The following SEC63 variants were observed in gnomAD, a reference collection of about 807,000 sequenced individuals.
The protein encoded by SEC63 is translocation protein SEC63 homolog.
Under a neutral mutation model 116.2 loss-of-function variants are expected in SEC63, and 56 were observed. The observed-to-expected ratio is 0.48, with a 90% CI of 0.39 to 0.60. The LOEUF (loss-of-function observed/expected upper bound fraction) is 0.60, where lower values mean the gene tolerates loss of function less well. Among genes scored for constraint, SEC63 ranks in the 20% least tolerant of loss-of-function variants. SEC63 has a pLI of 0.00. For missense variants in SEC63, 668 were observed against 900.0 expected, an observed-to-expected ratio of 0.74 and a Z score of 3.30; for synonymous variants, 273 against 294.6, an observed-to-expected ratio of 0.93 and a Z score of 0.75.
chr6:107,872,794 G>A lies in SEC63; in HGVS notation c.2139+14C>T, dbSNP rs1378367106. 4 of 1,371,660 alleles carry A rather than the reference G, an allele frequency of 2.9e-6. No homozygotes were observed. Among genetic ancestry groups the A allele is most frequent in the Admixed American group, 1.8e-5 (1 of 56,090 alleles). 85.0% of individuals were successfully genotyped at this position (1,371,660 alleles called of 1,614,324 possible). ...ACAGAAAACTCTTATTTATTGAAGAGTCACTATTCTTACCTTCAATGGTTT... is the reference window on the plus strand; with the variant it reads ...ACAGAAAACTCTTATTTATTGAAGAATCACTATTCTTACCTTCAATGGTTT... On this transcript the variant is annotated intron_variant, in intron 20 of 20. Transcript: ENST00000369002.
chr6:107,910,574 GTGTCATACACATGTA>G (rs1368150735), intron 7 of SEC63, among the ~76,000 whole-genome samples: 1 of 151,428 alleles, frequency 6.6e-6, no homozygotes, highest in African/African-American at 2.4e-5. Flanking sequence ...ACATATACAC[GTGTCATACACATGTA>G]TGTCATACAC....
rs752212979 is a variant in SEC63 at position 107,909,018 on chromosome 6, G to A, written c.642C>T (p.Arg214=). 1.2e-6 allele frequency: 2 copies of A among 1,611,526 alleles called. No homozygotes were observed. Among genetic ancestry groups the A allele is most frequent in the South Asian group, 2.2e-5 (2 of 90,978 alleles). The change falls in exon 8 of 21, where the codon CGC becomes CGT. Residue 214 remains arginine, a synonymous_variant. Coordinates refer to ENST00000369002, the MANE Select transcript of SEC63 (RefSeq NM_007214.5). ...LPVVVGSWWY[R]SIRYSGDQIL... ...TCTGGTCTCCACTATAGCGTATTGA[G>A]CGATACCACCAAGAGCCCTAAAACA...
At chr6:107,921,276 T>C (rs777547836) in intron 4 of SEC63, among the ~76,000 whole-genome samples, 2 of 152,090 alleles carry the variant, frequency 1.3e-5, no homozygotes, top group African/African-American at 2.4e-5. Context: ...CTCAATTAAC[T>C]TATCATTCAC....
At chr6:107,916,380 A>G (rs1583753393) in intron 4 of SEC63, among the ~76,000 whole-genome samples, 1 of 152,260 alleles carries the variant, frequency 6.6e-6, no homozygotes, top group East Asian at 1.9e-4. Flanking sequence ...TCATATAGTA[A>G]TTCACATAGA....
At chr6:107,896,611 AAGAC>A (rs199632474) in intron 14 of SEC63, among the ~76,000 whole-genome samples, 475 of 152,360 alleles carry the variant, frequency 3.1e-3, no homozygotes, top group African/African-American at 0.011. Flanking sequence ...AGCATGGAGA[AAGAC>A]AGAAGACGAC....
intron 18 of SEC63, among the ~76,000 whole-genome samples, chr6:107,880,430 T>C (rs1032056867): frequency 2.0e-5 from 3 of 152,170 alleles, no homozygotes; most frequent in Non-Finnish European, 4.4e-5. Flanking sequence ...GACAGAATCA[T>C]ACTCTAATGC....
chr6:107,912,199 T>C (rs1273352150), intron 6 of SEC63, among the ~76,000 whole-genome samples: 1 of 152,226 alleles, frequency 6.6e-6, no homozygotes, highest in African/African-American at 2.4e-5. Flanking sequence ...AAGATAATTC[T>C]TGACATTTTA....
intron 16 of SEC63, chr6:107,883,356 T>C (rs1786456564): frequency 5.5e-6 from 3 of 546,162 alleles, no homozygotes; most frequent in Admixed American, 3.4e-5. Flanking sequence ...AGTCTGTCTA[T>C]TGTTAGTTAT....
At chr6:107,925,130 T>G (rs1787646517) in intron 2 of SEC63, among the ~76,000 whole-genome samples, 198 bp from the exon 3 acceptor site, 1 of 152,234 alleles carries the variant, frequency 6.6e-6, no homozygotes, top group African/African-American at 2.4e-5. Flanking sequence ...CTTTATAATC[T>G]AGTACAGTGT....
chr6:107,903,762 C>A (rs1240022025), intron 11 of SEC63, among the ~76,000 whole-genome samples: 1 of 152,142 alleles, frequency 6.6e-6, no homozygotes, highest in African/African-American at 2.4e-5. Context: ...TTCAAATTCA[C>A]TGTTAGAAAA....
At chr6:107,936,039 G>A (rs1770238232) in intron 1 of SEC63, among the ~76,000 whole-genome samples, 1 of 152,184 alleles carries the variant, frequency 6.6e-6, no homozygotes, top group South Asian at 2.1e-4. Flanking sequence ...CCACTTTCAA[G>A]TATAAAATCA....
At chr6:107,879,569 C>T (rs1302022883) in intron 18 of SEC63, among the ~76,000 whole-genome samples, 2 of 152,170 alleles carry the variant, frequency 1.3e-5, no homozygotes, top group Non-Finnish European at 2.9e-5. Context: ...AGGTGATCCA[C>T]CCACCTCGTC....
At position 107,901,449 on chromosome 6, in the gene SEC63, G is replaced by A. The variant is rs146559698; in HGVS notation, c.1278C>T (p.Phe426=). The change falls in exon 13 of 21, where the codon TTC becomes TTT. Residue 426 remains phenylalanine (F), a synonymous_variant. Coordinates refer to ENST00000369002, the MANE Select transcript of SEC63 (RefSeq NM_007214.5). ...CCTCTTCATATTTTTCATCTTCAAGGAAGTGCAGTAGAGTGTGACGATCTG... is the reference window on the plus strand; with the variant it reads ...CCTCTTCATATTTTTCATCTTCAAGAAAGTGCAGTAGAGTGTGACGATCTG... ...KESDRHTLLH[F]LEDEKYEEVM... 3,950 of 1,611,738 alleles carry A rather than the reference G, an allele frequency of 2.5e-3. 76 individuals are homozygous for A. In the South Asian group the frequency reaches 0.03, roughly 12 times the overall value.
intron 3 of SEC63, among the ~76,000 whole-genome samples, chr6:107,922,970 C>T (rs570249943): frequency 2.7e-4 from 41 of 150,688 alleles, no homozygotes; most frequent in African/African-American, 1.0e-3. Flanking sequence ...AGACAAGACA[C>T]AAATTATCCA....
chr6:107,913,728 C>T (rs1235147198), intron 4 of SEC63, among the ~76,000 whole-genome samples: 1 of 152,156 alleles, frequency 6.6e-6, no homozygotes, highest in African/African-American at 2.4e-5. Flanking sequence ...ACTTTAAAGG[C>T]AACTACATTT....
chr6:107,900,164 GT>G (rs916158854), intron 13 of SEC63, among the ~76,000 whole-genome samples: 6 of 149,134 alleles, frequency 4.0e-5, no homozygotes, highest in Non-Finnish European at 7.5e-5. Context: ...GTGTGTGTGT[GT>G]TTTTTTTTTA....
chr6:107,898,873 A>G (rs1314969861), intron 13 of SEC63, among the ~76,000 whole-genome samples: 1 of 152,146 alleles, frequency 6.6e-6, no homozygotes, highest in Non-Finnish European at 1.5e-5. Context: ...TTACTAACAT[A>G]CCATCAGTTG....
intron 1 of SEC63, among the ~76,000 whole-genome samples, chr6:107,937,941 G>A (rs1157893046): frequency 6.6e-6 from 1 of 152,140 alleles, no homozygotes; most frequent in African/African-American, 2.4e-5. Context: ...ACCTTTGTTG[G>A]ATGCATAATT....
chr6:107,945,919 A>G (rs529871154), intron 1 of SEC63, among the ~76,000 whole-genome samples: 6 of 151,740 alleles, frequency 4.0e-5, no homozygotes, highest in African/African-American at 7.2e-5. Flanking sequence ...TTTTTCCTGT[A>G]TTTTGTTTGT....
Sources: allele counts gnomAD v4.1 joint callset (sites outside exome capture counted in the v4.1 genomes callset), GRCh38; gene constraint gnomAD v4.1.1; transcripts MANE v1.5; gene names NCBI Gene and HGNC (gene_info 2026-07-23, HGNC 2026-07-21).